CPZ: variants seen among roughly 807,000 people sequenced by gnomAD.
The protein encoded by CPZ is VEZT/CPZ fusion.
A neutral mutation model predicts 61.8 loss-of-function variants in CPZ; 103 were observed. That is an observed-to-expected ratio of 1.67 (90% CI 1.42 to 1.96). The LOEUF is 1.96. CPZ is among the 30% of genes most tolerant of loss of function. The pLI, the probability that CPZ is intolerant of heterozygous loss-of-function variation, is 0.00. For missense variants in CPZ, 1,461 were observed against 914.9 expected (o/e 1.60, Z -7.70); for synonymous variants, 551 against 373.7 (o/e 1.47, Z -5.47).
Position 8,604,544 on chromosome 4 carries a change from C to T in CPZ, c.709+356C>T, listed in dbSNP as rs111698064. Among the ~76,000 whole-genome samples the T allele has an allele frequency of 8.5e-5, 13 of 152,278 alleles. 1 individual carries two copies. Among genetic ancestry groups the T allele is most frequent in the African/African-American group, 2.9e-4 (12 of 41,562 alleles). On this transcript the variant is annotated intron_variant, in intron 4 of 10. Transcript: ENST00000360986. The stretch of plus-strand genomic sequence containing the variant: ...TTGCCCAGGCTGGAGTGCAGTGGCA[C>T]GATCTCGGCTCACTGCAACCTCTGC...
intron 9 of CPZ, among the ~76,000 whole-genome samples, chr4:8,617,190 G>A (rs572756784): frequency 1.1e-4 from 16 of 152,260 alleles, no homozygotes; most frequent in African/African-American, 3.4e-4. Flanking sequence ...AGCCGCGGTG[G>A]GATTAGAGTT....
At chr4:8,611,741 C>T (rs939065506) in intron 7 of CPZ, among the ~76,000 whole-genome samples, 2 of 152,002 alleles carry the variant, frequency 1.3e-5, no homozygotes, top group African/African-American at 4.8e-5. Flanking sequence ...AGAGAAAGCC[C>T]ACACTACCCG....
At position 8,606,194 on chromosome 4, in the gene CPZ, C is replaced by A. The variant is rs1317047364; in HGVS notation, c.906+9C>A. 1.9e-6 allele frequency: 3 copies of A among 1,610,836 alleles called. No homozygotes were observed. The highest frequency in any genetic ancestry group is 2.5e-6 in the Non-Finnish European group (3 of 1,178,258). On this transcript the variant is annotated intron_variant, in intron 5 of 10. Coordinates refer to ENST00000360986, the MANE Select transcript of CPZ (RefSeq NM_001014447.3). Reference sequence around the variant, plus strand: ...AGGTGGCAGCTGCCGAGGTGAGCGCCCAGATGCCTGGATCCTGTGGGCCAC... The same window carrying A: ...AGGTGGCAGCTGCCGAGGTGAGCGCACAGATGCCTGGATCCTGTGGGCCAC...
At chr4:8,618,120 A>C in intron 9 of CPZ, 1 of 364,970 alleles carries the variant, frequency 2.7e-6, no homozygotes, top group Non-Finnish European at 5.1e-6. Context: ...ATCAGGCAGA[A>C]GAGTGGCAGG....
intron 1 of CPZ, among the ~76,000 whole-genome samples, chr4:8,595,203 A>G (rs1455878370): frequency 6.6e-6 from 1 of 152,238 alleles, no homozygotes; most frequent in Non-Finnish European, 1.5e-5. Context: ...CACATCGCAC[A>G]CATTGGTTTG....
At chr4:8,605,710 T>A (rs1026045257) in intron 4 of CPZ, among the ~76,000 whole-genome samples, 1 of 148,448 alleles carries the variant, frequency 6.7e-6, no homozygotes, top group Non-Finnish European at 1.5e-5. Context: ...TACACAAACA[T>A]GAAGAGAGAC....
intron 7 of CPZ, among the ~76,000 whole-genome samples, chr4:8,609,362 C>G (rs1222104923): frequency 6.6e-6 from 1 of 151,890 alleles, no homozygotes; most frequent in Non-Finnish European, 1.5e-5. Flanking sequence ...TTCATTCACT[C>G]ACAAACTCAT....
chr4:8,612,163 G>C lies in CPZ; in HGVS notation c.1363+1G>C. On this transcript the variant is annotated splice_donor_variant, in intron 8 of 10. Transcript: ENST00000360986. LOFTEE classifies it high-confidence loss of function. The stretch of plus-strand genomic sequence containing the variant: ...GCGGACTGGTACAGCTTCACGGGAG[G>C]TGCGGCTTCCGCAGGGCGGGACTGG... 2 of 1,473,116 alleles carry C rather than the reference G, an allele frequency of 1.4e-6. No homozygotes were observed. Among genetic ancestry groups the C allele is most frequent in the South Asian group, 2.8e-5 (2 of 71,264 alleles). The allele number at this position is 1,473,116 out of a possible 1,614,324, so 91.3% of individuals were successfully genotyped here.
At chr4:8,608,135 T>TCCAGGCC (rs1553877383) in intron 7 of CPZ, among the ~76,000 whole-genome samples, 4 of 137,574 alleles carry the variant, frequency 2.9e-5, no homozygotes, top group Admixed American at 2.8e-4. Flanking sequence ...GGCCCCAGCC[T>TCCAGGCC]CCAGCCCCCA....
chr4:8,604,138 G>A lies in CPZ; in HGVS notation c.659G>A (p.Arg220Lys). The A allele has an allele frequency of 1.3e-6, 2 of 1,588,774 alleles. No homozygotes were observed. The highest frequency in any genetic ancestry group is 8.6e-7 in the Non-Finnish European group (1 of 1,167,326). Residue 220 changes from arginine (R) to lysine (K), a missense_variant, in exon 4 of 11, where the codon AGG becomes AAG. Physicochemically the swap from Arg to Lys is conservative, Grantham distance 26 (BLOSUM62 2). Coordinates refer to ENST00000360986, the MANE Select transcript of CPZ (RefSeq NM_001014447.3). ...TYSIGRSFDGRELLVIEFSSR... is the reference protein window; with the variant it reads ...TYSIGRSFDGKELLVIEFSSR... The stretch of plus-strand genomic sequence containing the variant: ...AGCATCGGGCGCAGCTTCGACGGCA[G>A]GGAGCTGCTGGTCATCGAGTTCTCC...
At chr4:8,616,499 G>A (rs1716176664) in intron 9 of CPZ, among the ~76,000 whole-genome samples, 1 of 152,232 alleles carries the variant, frequency 6.6e-6, no homozygotes, top group Non-Finnish European at 1.5e-5. Flanking sequence ...CTGGCAGAGA[G>A]GAAGACTGGG....
chr4:8,613,597 G>T (rs1282584408), intron 8 of CPZ, among the ~76,000 whole-genome samples: 1 of 152,224 alleles, frequency 6.6e-6, no homozygotes, highest in Non-Finnish European at 1.5e-5. Context: ...GAAGGGCGTG[G>T]GCTCCCTGTG....
At chr4:8,605,887 G>C (rs1272651608) in intron 4 of CPZ, 102 bp from the exon 5 acceptor site, 2 of 1,131,634 alleles carry the variant, frequency 1.8e-6, no homozygotes, top group Non-Finnish European at 2.5e-6. Flanking sequence ...AGTATGAATT[G>C]GTCCCAGCCC....
intron 9 of CPZ, among the ~76,000 whole-genome samples, chr4:8,617,116 G>A (rs561452580): frequency 1.0e-3 from 153 of 152,356 alleles, no homozygotes; most frequent in African/African-American, 3.5e-3. Context: ...GGTGCCACAG[G>A]GTCTGAGCTC....
chr4:8,598,882 A>C (rs1714369103), intron 1 of CPZ, among the ~76,000 whole-genome samples: 1 of 152,122 alleles, frequency 6.6e-6, no homozygotes, highest in Admixed American at 6.5e-5. Flanking sequence ...TTGTTCTTGG[A>C]AGAGGGCCCC....
intron 7 of CPZ, chr4:8,611,090 A>ATTCG (rs1715635923): frequency 2.8e-6 from 1 of 360,216 alleles, no homozygotes; most frequent in African/African-American, 2.3e-5. Context: ...TCGCTCATTC[A>ATTCG]CTCACTCACT....
chr4:8,618,279 T>C (rs1351704497), intron 9 of CPZ, 150 bp from the exon 10 acceptor site: 4 of 656,188 alleles, frequency 6.1e-6, no homozygotes, highest in East Asian at 2.7e-5. Flanking sequence ...TCGTTAAAGA[T>C]GGCAGAGCGA....
At chr4:8,607,818 C>T (rs1715171391) in intron 7 of CPZ, among the ~76,000 whole-genome samples, 1 of 152,130 alleles carries the variant, frequency 6.6e-6, no homozygotes, top group Non-Finnish European at 1.5e-5. Flanking sequence ...TGCTGCAGCG[C>T]GCATGCTGCC....
In CPZ at chr4:8,606,119, C is replaced by T. The variant is rs1175947597; in HGVS notation, c.840C>T (p.Leu280=). ...LLGNPRIQRL[L]NTTRIHLLPS... is the part of the protein sequence containing the mutation. ...GTAACCCCCGCATCCAGCGCCTGCT[C>T]AACACCACCCGCATCCACCTGCTGC... The change falls in exon 5 of 11, where the codon CTC becomes CTT. Residue 280 remains leucine, a synonymous_variant. Coordinates refer to ENST00000360986, the MANE Select transcript of CPZ (RefSeq NM_001014447.3). 1 of 1,614,184 alleles carries T rather than the reference C, an allele frequency of 6.2e-7. No homozygotes were observed. The highest frequency in any genetic ancestry group is 1.7e-5 in the Admixed American group (1 of 60,032).
Sources: gnomAD v4.1 joint callset for allele counts (sites outside exome capture counted in the v4.1 genomes callset) on GRCh38, gnomAD v4.1.1 for gene constraint, MANE v1.5 for transcripts, NCBI Gene and HGNC (gene_info 2026-07-23, HGNC 2026-07-21) for gene names.